The following MOB4 variants were observed in gnomAD, a reference collection of about 807,000 sequenced individuals.
MOB4 encodes MOB family member 4, phocein, also known as MOB-like protein phocein.
A neutral mutation model predicts 32.2 loss-of-function variants in MOB4; 4 were observed. That is an observed-to-expected ratio of 0.12 (90% confidence interval 0.06 to 0.28). The LOEUF is 0.28. Ranked by LOEUF, MOB4 falls within the 10% of genes least tolerant of loss-of-function variation. The probability of loss-of-function intolerance (pLI) is 1.00; values close to 1 mark genes in which losing one functional copy is unlikely to be tolerated. For missense variants in MOB4, 158 were observed against 271.2 expected (o/e 0.58, Z 2.93); for synonymous variants, 88 against 88.1 (o/e 1.00, Z 0.01).
chr2:197,516,347 G>T (rs1245234730), intron 1 of MOB4: 3 of 1,422,400 alleles, frequency 2.1e-6, no homozygotes, highest in Admixed American at 3.1e-5. Context: ...GCGGAGCTCC[G>T]ACCCAGGGGT....
intron 2 of MOB4, among the ~76,000 whole-genome samples, chr2:197,529,223 C>G (rs909334046): frequency 4.0e-5 from 6 of 151,854 alleles, no homozygotes; most frequent in Admixed American, 6.6e-5. Flanking sequence ...CTGCCTCAGC[C>G]TCACAGAGTA....
chr2:197,515,967 A>C, upstream of MOB4: 1 of 1,048,410 alleles, frequency 9.5e-7, no homozygotes, highest in South Asian at 1.5e-5. Context: ...CGCAGGCTGC[A>C]GCTGTTCCGT....
At chr2:197,519,321 T>C (rs2086473693) in intron 1 of MOB4, among the ~76,000 whole-genome samples, 1 of 152,246 alleles carries the variant, frequency 6.6e-6, no homozygotes, top group Non-Finnish European at 1.5e-5. Flanking sequence ...AAACATTTCA[T>C]TCTCAACATC....
Position 197,550,158 on chromosome 2 carries a change from G to C in MOB4, c.435-117G>C, listed in dbSNP as rs193066857. 22 of 872,376 alleles carry C rather than the reference G, an allele frequency of 2.5e-5. No individual in the cohort carries two copies. The East Asian group carries it at 6.0e-4, about 24-fold the overall frequency. The allele number at this position is 872,376 out of a possible 1,614,324, so 54.0% of individuals were successfully genotyped here. On this transcript the variant is annotated intron_variant, in intron 6 of 7. Transcript: ENST00000323303. The stretch of plus-strand genomic sequence containing the variant: ...CATTTACTCGCAGTGTGACCTTGGA[G>C]TAGTCGCTTATTTTCCCTAGGTGTC...
intron 5 of MOB4, among the ~76,000 whole-genome samples, chr2:197,544,668 A>AGGCAGGAGAATGG (rs1232845015): frequency 1.7e-3 from 253 of 151,592 alleles, no homozygotes; most frequent in Non-Finnish European, 3.3e-3. Flanking sequence ...CAGGAGAATG[A>AGGCAGGAGAATGG]CGTGAACCCT....
rs796606026 is a variant in MOB4, at chr2:197,543,448, G to GAA, written c.354+3021_354+3022dup. Among the ~76,000 whole-genome samples the GAA allele has an allele frequency of 7.8e-4, 110 of 141,164 alleles. 1 individual carries two copies. Among genetic ancestry groups the GAA allele is most frequent in the African/African-American group, 2.7e-3 (105 of 38,536 alleles). The allele number at this position is 141,164 out of a possible 152,430, so 92.6% of individuals were successfully genotyped here. On this transcript the variant is annotated intron_variant, in intron 5 of 7. Transcript: ENST00000323303. ...TCCTCCACAACCATGCTTGATAAGG[G>GAA]AAAAAAAAAAACCACCGTGAGAATG...
rs568537223 is a variant in MOB4, at chr2:197,553,534, A to G, written c.*2888A>G. On this transcript the variant is annotated 3_prime_UTR_variant, in exon 8 of 8. Coordinates refer to ENST00000323303, the MANE Select transcript of MOB4 (RefSeq NM_015387.5). ...CTGTAATAGTAGAACTAAGTTTTTT[A>G]TGTGAGTACTTTGCCCTACTGTCTA... The G allele has an allele frequency of 7.9e-5, 12 of 152,326 alleles. No individual in the cohort carries two copies. Among genetic ancestry groups the G allele is most frequent in the South Asian group, 4.1e-4 (2 of 4,832 alleles). 9.4% of individuals were successfully genotyped at this position (152,326 alleles called of 1,614,324 possible).
At chr2:197,541,812 G>A (rs1282088418) in intron 5 of MOB4, among the ~76,000 whole-genome samples, 1 of 151,530 alleles carries the variant, frequency 6.6e-6, no homozygotes, top group Non-Finnish European at 1.5e-5. Context: ...CCAGCTACTT[G>A]GGAGGCTGAG....
At chr2:197,540,579 A>G (rs2086879621) in intron 5 of MOB4, 142 bp downstream of exon 5, 1 of 791,908 alleles carries the variant, frequency 1.3e-6, no homozygotes, top group African/African-American at 1.8e-5. Flanking sequence ...TGAAGTTGTT[A>G]CTGCAGTGCT....
chr2:197,531,047 AT>A (rs1356113486), intron 2 of MOB4, among the ~76,000 whole-genome samples: 31 of 93,862 alleles, frequency 3.3e-4, no homozygotes, highest in African/African-American at 1.1e-3. Context: ...TTTTATTTTT[AT>A]TTTTATTTTT....
intron 2 of MOB4, among the ~76,000 whole-genome samples, chr2:197,527,537 G>T (rs532236380): frequency 6.6e-6 from 1 of 152,138 alleles, no homozygotes; most frequent in Non-Finnish European, 1.5e-5. Context: ...TAACGTTCTT[G>T]TGGATTCTTT....
In MOB4 at chr2:197,547,549, C is replaced by T. The variant is rs150151884; in HGVS notation, c.355-787C>T. Among the ~76,000 whole-genome samples, 81 of 152,220 alleles carry T rather than the reference C, an allele frequency of 5.3e-4. 2 individuals are homozygous for T. In the South Asian group the frequency reaches 8.3e-3, roughly 16 times the overall value. ...TTTATTAGGTAATTTTTTAGTGCCA[C>T]GGCACTAAGCCATATTTAGTAGTTA... On this transcript the variant is annotated intron_variant, in intron 5 of 7. Coordinates refer to ENST00000323303, the MANE Select transcript of MOB4 (RefSeq NM_015387.5).
intron 6 of MOB4, 100 bp downstream of exon 6, chr2:197,548,515 C>T (rs1417016966): frequency 2.7e-5 from 20 of 734,040 alleles, no homozygotes; most frequent in African/African-American, 1.8e-5. Context: ...AGGAGCTATA[C>T]CTAATGCTAA....
intron 1 of MOB4, among the ~76,000 whole-genome samples, chr2:197,522,101 C>A (rs2086530361): frequency 6.6e-6 from 1 of 152,168 alleles, no homozygotes; most frequent in East Asian, 1.9e-4. Flanking sequence ...TCCATGAAAT[C>A]TTCACAATCC....
intron 1 of MOB4, 116 bp downstream of exon 1, chr2:197,516,262 A>T: frequency 1.3e-6 from 2 of 1,485,438 alleles, no homozygotes; most frequent in Non-Finnish European, 1.8e-6. Context: ...GGGCTGGGGC[A>T]CTGGTGCCCG....
rs2086404970 is a variant in MOB4, at chr2:197,516,099, G to A, written c.13G>A (p.Glu5Lys). 6.2e-7 allele frequency: 1 copy of A among 1,601,414 alleles called. No individual in the cohort carries two copies. Among genetic ancestry groups the A allele is most frequent in the Non-Finnish European group, 8.5e-7 (1 of 1,175,256 alleles). The stretch of plus-strand genomic sequence containing the variant: ...AGACGCTGGCACTATGGTCATGGCG[G>A]AGGGGACGGCAGTGCTGAGGCGGAA... Reference protein sequence around the residue: MVMAEGTAVLRRNRP... With the variant: MVMAKGTAVLRRNRP... The change falls in exon 1 of 8, where the codon GAG becomes AAG. Residue 5 changes from glutamate to lysine, a missense_variant. By Grantham distance (56) the Glu-to-Lys change is moderately conservative (BLOSUM62 1). Around this residue, in one of 6 missense-constraint regions of MOB4, gnomAD observed 41 missense variants for 26.4 expected, o/e 1.55. Coordinates refer to ENST00000323303, the MANE Select transcript of MOB4 (RefSeq NM_015387.5).
chr2:197,531,053 AT>A (rs1043158763), intron 2 of MOB4, among the ~76,000 whole-genome samples: 94 of 139,710 alleles, frequency 6.7e-4, no homozygotes, highest in African/African-American at 5.9e-4. Flanking sequence ...TTTTATTTTT[AT>A]TTTTTTTTTT....
At chr2:197,542,616 G>A (rs1243690409) in intron 5 of MOB4, among the ~76,000 whole-genome samples, 1 of 152,168 alleles carries the variant, frequency 6.6e-6, no homozygotes, top group Non-Finnish European at 1.5e-5. Flanking sequence ...AGTGCTTCTA[G>A]GCGACAAACA....
At chr2:197,522,772 T>G (rs2086544552) in intron 1 of MOB4, among the ~76,000 whole-genome samples, 1 of 152,028 alleles carries the variant, frequency 6.6e-6, no homozygotes, top group Admixed American at 6.6e-5. Flanking sequence ...ATCCCAGCAC[T>G]TTGGGAGTCT....
Sources: gnomAD v4.1 joint callset for allele counts (sites outside exome capture counted in the v4.1 genomes callset) on GRCh38, gnomAD v4.1.1 for gene constraint, gnomAD v4.1.1 regional missense constraint, MANE v1.5 for transcripts, NCBI Gene and HGNC (gene_info 2026-07-23, HGNC 2026-07-21) for gene names.